Variants in AGBL1 observed in about 807,000 individuals in gnomAD.
The protein encoded by AGBL1 is AGBL carboxypeptidase 1.
In AGBL1, 130 loss-of-function variants were observed where a neutral mutation model predicts 118.9. The observed-to-expected ratio is 1.09, with a 90% CI of 0.95 to 1.26. AGBL1 has a LOEUF of 1.26. Ranked by LOEUF, AGBL1 falls within the 50% of genes most tolerant of loss-of-function variation. The pLI is 0.00. For synonymous variants in AGBL1, 555 were observed against 478.9 expected (o/e 1.16, Z -2.08); for missense variants, 1,584 against 1,298.1 (o/e 1.22, Z -3.38).
Position 86,973,616 on chromosome 15 carries a change from A to G in AGBL1, c.3222-14371A>G, listed in dbSNP as rs2060324. On this transcript the variant is annotated intron_variant, in intron 23 of 24. Coordinates refer to the AGBL1 transcript ENST00000441037. ...GCATAATGCTATGCTAACTACTGTG[A>G]GAAGTACATTACACAGACATAGCCA... Among the ~76,000 whole-genome samples the G allele has an allele frequency of 1.8e-4, 27 of 151,400 alleles. 1 individual carries two copies. Among genetic ancestry groups the G allele is most frequent in the Non-Finnish European group, 3.4e-4 (23 of 67,874 alleles).
chr15:87,029,064 T>G (rs2081762220), downstream of AGBL1: 1 of 498,622 alleles, frequency 2.0e-6, no homozygotes, highest in East Asian at 3.1e-5. Context: ...GGTTCATAGT[T>G]CTCTGAACCT....
intron 18 of AGBL1, among the ~76,000 whole-genome samples, chr15:86,405,748 A>C (rs1377704162): frequency 6.6e-6 from 1 of 152,346 alleles, no homozygotes. Context: ...AGGTGTTTCA[A>C]AAATAAGACT....
chr15:86,732,914 TATAG>T (rs1440712717), intron 22 of AGBL1, among the ~76,000 whole-genome samples: 4 of 150,378 alleles, frequency 2.7e-5, no homozygotes, highest in South Asian at 2.1e-4. Flanking sequence ...CAAATATATA[TATAG>T]ATAGATTTGT....
At chr15:86,703,091 C>T (rs1187488521) in intron 22 of AGBL1, among the ~76,000 whole-genome samples, 1 of 152,140 alleles carries the variant, frequency 6.6e-6, no homozygotes, top group Non-Finnish European at 1.5e-5. Context: ...TTTTAAGGAG[C>T]AACACTGAAA....
At chr15:86,156,482 A>G (rs1386604264) in intron 4 of AGBL1, among the ~76,000 whole-genome samples, 1 of 152,186 alleles carries the variant, frequency 6.6e-6, no homozygotes, top group African/African-American at 2.4e-5. Context: ...CTCCAGATAC[A>G]GTCCTACTCC....
intron 23 of AGBL1, among the ~76,000 whole-genome samples, chr15:86,945,633 A>G (rs1377655078): frequency 1.3e-5 from 2 of 152,212 alleles, no homozygotes; most frequent in East Asian, 3.9e-4. Flanking sequence ...AGATTGTGCC[A>G]CTGCACTTCA....
chr15:86,570,210 C>A (rs2083984065), intron 21 of AGBL1, among the ~76,000 whole-genome samples: 1 of 152,194 alleles, frequency 6.6e-6, no homozygotes, highest in Non-Finnish European at 1.5e-5. Flanking sequence ...ACCATAATAT[C>A]CCCTTTGACT....
chr15:86,793,300 G>A (rs2141334398), intron 22 of AGBL1, among the ~76,000 whole-genome samples: 1 of 152,270 alleles, frequency 6.6e-6, no homozygotes, highest in East Asian at 1.9e-4. Context: ...ATATGAACCA[G>A]TGAAATAGAA....
At chr15:86,953,796 G>A (rs1002459546) in intron 23 of AGBL1, among the ~76,000 whole-genome samples, 1 of 152,126 alleles carries the variant, frequency 6.6e-6, no homozygotes, top group Admixed American at 6.5e-5. Context: ...TACCGAAGTC[G>A]TTTATTAGTT....
At chr15:86,626,129 C>G (rs780406951) in intron 21 of AGBL1, among the ~76,000 whole-genome samples, 1 of 152,128 alleles carries the variant, frequency 6.6e-6, no homozygotes, top group African/African-American at 2.4e-5. Context: ...GACAGAAATA[C>G]CGTTCGACCC....
chr15:86,901,243 C>T (rs1411355357), intron 22 of AGBL1, among the ~76,000 whole-genome samples: 1 of 151,982 alleles, frequency 6.6e-6, no homozygotes, highest in Non-Finnish European at 1.5e-5. Context: ...TTAAAGAGTT[C>T]AATTGCCTTT....
At chr15:86,946,022 T>C (rs2080816212) in intron 23 of AGBL1, among the ~76,000 whole-genome samples, 1 of 152,228 alleles carries the variant, frequency 6.6e-6, no homozygotes, top group African/African-American at 2.4e-5. Flanking sequence ...AGAATCAGAA[T>C]TTCTGAAAGA....
At chr15:86,543,307 C>G (rs1283616332) in intron 19 of AGBL1, among the ~76,000 whole-genome samples, 3 of 152,142 alleles carry the variant, frequency 2.0e-5, no homozygotes, top group Non-Finnish European at 4.4e-5. Flanking sequence ...CGTTTATTTT[C>G]TCACATTTTA....
chr15:86,640,931 C>T (rs1431972163), intron 21 of AGBL1, among the ~76,000 whole-genome samples: 1 of 150,320 alleles, frequency 6.7e-6, no homozygotes, highest in Non-Finnish European at 1.5e-5. Flanking sequence ...AAAATATTCA[C>T]ACTTAGTTTT....
At chr15:87,027,248 T>C (rs766381441) in intron 24 of AGBL1, among the ~76,000 whole-genome samples, 2 of 151,936 alleles carry the variant, frequency 1.3e-5, no homozygotes, top group Non-Finnish European at 2.9e-5. Flanking sequence ...TCACACCAGT[T>C]AGAATGGGTA....
In AGBL1 at chr15:86,142,039, C is replaced by A. The variant is rs752172600; in HGVS notation, c.87C>A (p.Leu29=). The A allele has an allele frequency of 1.9e-6, 3 of 1,550,174 alleles. No homozygotes were observed. In the African/African-American group the frequency reaches 4.1e-5, roughly 21 times the overall value. Residue 29 remains leucine, a synonymous_variant, in exon 2 of 23, where the codon CTC becomes CTA. Transcript: ENST00000614907. Reference sequence around the variant, plus strand: ...ACAAGGAGTCCATCCTGACCATCCTCAAGGTCCTCGGAGATCTGCTTTCTG... The same window carrying A: ...ACAAGGAGTCCATCCTGACCATCCTAAAGGTCCTCGGAGATCTGCTTTCTG... ...SSDKESILTI[L]KVLGDLLSVG...
intron 21 of AGBL1, among the ~76,000 whole-genome samples, chr15:86,620,444 C>G (rs1313702469): frequency 6.6e-6 from 1 of 152,208 alleles, no homozygotes; most frequent in Non-Finnish European, 1.5e-5. Flanking sequence ...CACCCCATCA[C>G]TCCCACTTAC....
In AGBL1 at chr15:86,247,805, A is replaced by G. The variant is rs376348336; in HGVS notation, c.661A>G (p.Ile221Val). 6.2e-7 allele frequency: 1 copy of G among 1,613,878 alleles called. No homozygotes were observed. Among genetic ancestry groups the G allele is most frequent in the Non-Finnish European group, 8.5e-7 (1 of 1,179,908 alleles). ...RRGLLLCLRH[I>V]AALRSGREAF... ...GGGCTTGCTGCTCTGCCTCAGGCAC[A>G]TTGCTGCCCTCCGGTCCGGCAGGGA... is the stretch of plus-strand genomic sequence containing the variant. Residue 221 changes from isoleucine to valine, a missense_variant, in exon 7 of 23, where the codon ATT becomes GTT. Physicochemically the swap from Ile to Val is conservative, Grantham distance 29 (BLOSUM62 3). Transcript: ENST00000614907.
rs869123922 is a variant in AGBL1, at chr15:86,984,363, C to CT, written c.3222-3609dup. 7.8e-3 allele frequency among the ~76,000 whole-genome samples: 181 copies of CT among 23,334 alleles called. 1 individual carries two copies. Among genetic ancestry groups the CT allele is most frequent in the African/African-American group, 0.014 (98 of 7,072 alleles). 15.3% of individuals were successfully genotyped at this position (23,334 alleles called of 152,430 possible). On this transcript the variant is annotated intron_variant, in intron 23 of 24. Coordinates refer to the AGBL1 transcript ENST00000441037. Reference sequence around the variant, plus strand: ...TAGATTGTTTTCCATTTTTTTCTCTCTTTTTTTTTTTTTTTCCTGGAGACA... The same window carrying CT: ...TAGATTGTTTTCCATTTTTTTCTCTCTTTTTTTTTTTTTTTTCCTGGAGACA...
Sources: allele counts gnomAD v4.1 joint callset (sites outside exome capture counted in the v4.1 genomes callset), GRCh38; gene constraint gnomAD v4.1.1; transcripts MANE v1.5; gene names NCBI Gene and HGNC (gene_info 2026-07-23, HGNC 2026-07-21).